The following UBALD2 variants were observed in gnomAD, a reference collection of about 807,000 sequenced individuals.
The protein encoded by UBALD2 is UBA like domain containing 2.
A neutral mutation model predicts 15.9 loss-of-function variants in UBALD2; 8 were observed. That is an observed-to-expected ratio of 0.50 (90% CI 0.29 to 0.91). UBALD2 has a LOEUF of 0.91. Ranked by LOEUF, UBALD2 falls within the 40% of genes least tolerant of loss-of-function variation. The probability of loss-of-function intolerance (pLI) is 0.07; values close to 1 mark genes in which losing one functional copy is unlikely to be tolerated. For missense variants in UBALD2, 178 were observed against 234.8 expected, an observed-to-expected ratio of 0.76 and a Z score of 1.58; for synonymous variants, 113 against 97.7, an observed-to-expected ratio of 1.16 and a Z score of -0.93.
Position 76,265,550 on chromosome 17 carries a change from C to T in UBALD2, c.45C>T (p.Asn15=), listed in dbSNP as rs1280143866. Residue 15 remains asparagine, a synonymous_variant, in exon 1 of 3, where the codon AAC becomes AAT. Coordinates refer to ENST00000327490, the MANE Select transcript of UBALD2 (RefSeq NM_182565.4). ...MDELRHQVMI[N]QFVLAAGCAA... is the part of the protein sequence containing the mutation. Reference sequence around the variant, plus strand: ...AGCTGCGGCACCAGGTCATGATCAACCAGTTCGTGCTGGCCGCGGGCTGCG... The same window carrying T: ...AGCTGCGGCACCAGGTCATGATCAATCAGTTCGTGCTGGCCGCGGGCTGCG... 1.5e-6 allele frequency: 2 copies of T among 1,336,132 alleles called. No individual in the cohort carries two copies. The highest frequency in any genetic ancestry group is 8.5e-5 in the East Asian group (2 of 23,582). 82.8% of individuals were successfully genotyped at this position (1,336,132 alleles called of 1,614,324 possible). A position where few individuals can be genotyped will look rare whatever the true frequency, so the allele number is the denominator to read the frequency against.
In UBALD2 at chr17:76,265,951, C is replaced by T. The variant is rs1004259173; in HGVS notation, c.165C>T (p.Ser55=). 2 of 1,591,998 alleles carry T rather than the reference C, an allele frequency of 1.3e-6. No homozygotes were observed. The highest frequency in any genetic ancestry group is 1.1e-5 in the South Asian group (1 of 88,174). ...TFFQETNIPN[S]HHHHQMMCTP... ...TCCAAGAAACCAACATTCCCAACAG[C>T]CACCACCACCACCAGATGGTAAGCG... The change falls in exon 2 of 3, where the codon AGC becomes AGT. Residue 55 remains serine (S), a synonymous_variant. Coordinates refer to ENST00000327490, the MANE Select transcript of UBALD2 (RefSeq NM_182565.4).
chr17:76,269,671 C>G lies in UBALD2; in HGVS notation c.184-523C>G, dbSNP rs1568096973. 6.6e-6 allele frequency among the ~76,000 whole-genome samples: 1 copy of G among 152,226 alleles called. No homozygotes were observed. Among genetic ancestry groups the G allele is most frequent in the Non-Finnish European group, 1.5e-5 (1 of 68,032 alleles). ...GTGTCATTGTTAAGGGAGGCAAAGCCTTCAAGGCCTGGTGGCTGTCACCCT... is the reference window on the plus strand; with the variant it reads ...GTGTCATTGTTAAGGGAGGCAAAGCGTTCAAGGCCTGGTGGCTGTCACCCT... On this transcript the variant is annotated intron_variant, in intron 2 of 2. Coordinates refer to ENST00000327490, the MANE Select transcript of UBALD2 (RefSeq NM_182565.4). This position sits in a 1 kb window ranked among gnomAD's most constrained non-coding sequence, Gnocchi z 4.6.
Position 76,270,653 on chromosome 17 carries a change from G to A in UBALD2, c.*148G>A, listed in dbSNP as rs1404401424. ...TTTTATAAAAGAATTTTTGTGGGTC[G>A]GGGGGACAGTAAACTTCCTGGGCCA... On this transcript the variant is annotated 3_prime_UTR_variant, in exon 3 of 3. Coordinates refer to ENST00000327490, the MANE Select transcript of UBALD2 (RefSeq NM_182565.4). 28 of 773,700 alleles carry A rather than the reference G, an allele frequency of 3.6e-5. No homozygotes were observed. In the South Asian group the frequency reaches 6.2e-4, roughly 17 times the overall value. 47.9% of individuals were successfully genotyped at this position (773,700 alleles called of 1,614,324 possible). A position where few individuals can be genotyped will look rare whatever the true frequency, so the allele number is the denominator to read the frequency against.
At chr17:76,266,169 G>T (rs2070544045) in intron 2 of UBALD2, among the ~76,000 whole-genome samples, 200 bp downstream of exon 2, 1 of 152,176 alleles carries the variant, frequency 6.6e-6, no homozygotes, top group Non-Finnish European at 1.5e-5. Flanking sequence ...CTCGGGACTG[G>T]TGCCCGGCAC....
chr17:76,268,108 AGCTTCCCAGTTGATAAGGAGG>A (rs1488581765), intron 2 of UBALD2, among the ~76,000 whole-genome samples: 2 of 152,240 alleles, frequency 1.3e-5, no homozygotes, highest in East Asian at 1.9e-4. Flanking sequence ...CATAGTTGGA[AGCTTCCCAGTTGATAAGGAGG>A]GCTTCCCAGT....
intron 2 of UBALD2, 47 bp from the exon 3 acceptor site, chr17:76,270,147 C>CG: frequency 6.3e-7 from 1 of 1,577,014 alleles, no homozygotes. Context: ...TCCAGTGGCT[C>CG]GGGGACCCCC....
chr17:76,265,856 C>T, intron 1 of UBALD2, 51 bp from the exon 2 acceptor site: 2 of 1,566,296 alleles, frequency 1.3e-6, no homozygotes, highest in Non-Finnish European at 1.7e-6. Context: ...CCAGCCGCTG[C>T]GTTTCCTGAC....
rs374620750 is a variant in UBALD2 at position 76,265,518 on chromosome 17, A to G, written c.13A>G (p.Met5Val). MSVN[M>V]DELRHQVMIN... Reference sequence around the variant, plus strand: ...GCCGCGCCGCGCCATGTCGGTGAACATGGACGAGCTGCGGCACCAGGTCAT... The same window carrying G: ...GCCGCGCCGCGCCATGTCGGTGAACGTGGACGAGCTGCGGCACCAGGTCAT... Residue 5 changes from methionine (M) to valine (V), a missense_variant, in exon 1 of 3, where the codon ATG becomes GTG. Transcript: ENST00000327490. 1.1e-5 allele frequency: 14 copies of G among 1,283,796 alleles called. No individual in the cohort carries two copies. The highest frequency in any genetic ancestry group is 1.4e-5 in the Non-Finnish European group (14 of 990,746). The allele number at this position is 1,283,796 out of a possible 1,614,324, so 79.5% of individuals were successfully genotyped here.
In UBALD2 at chr17:76,270,674, G is replaced by A. The variant is rs2070580852; in HGVS notation, c.*169G>A. On this transcript the variant is annotated 3_prime_UTR_variant, in exon 3 of 3. Coordinates refer to ENST00000327490, the MANE Select transcript of UBALD2 (RefSeq NM_182565.4). The stretch of plus-strand genomic sequence containing the variant: ...GGTCGGGGGGACAGTAAACTTCCTG[G>A]GCCACGTGGGTCCTTCAGGAGTTTT... 3.6e-6 allele frequency: 2 copies of A among 559,942 alleles called. No homozygotes were observed. Among genetic ancestry groups the A allele is most frequent in the Admixed American group, 3.9e-5 (1 of 25,660 alleles). 34.7% of individuals were successfully genotyped at this position (559,942 alleles called of 1,614,324 possible). A position where few individuals can be genotyped will look rare whatever the true frequency, so the allele number is the denominator to read the frequency against.
In UBALD2 at chr17:76,265,467, G is replaced by A; in HGVS notation, c.-39G>A. The stretch of plus-strand genomic sequence containing the variant: ...CGCGCCCGCGCAGCCCCGCGTCTGC[G>A]TCCGGCCGGAGACGCCGGGCCCCGC... On this transcript the variant is annotated 5_prime_UTR_variant, in exon 1 of 3. Coordinates refer to ENST00000327490, the MANE Select transcript of UBALD2 (RefSeq NM_182565.4). The A allele has an allele frequency of 9.6e-7, 1 of 1,037,506 alleles. No individual in the cohort carries two copies. The highest frequency in any genetic ancestry group is 1.2e-6 in the Non-Finnish European group (1 of 863,028). The allele number at this position is 1,037,506 out of a possible 1,614,324, so 64.3% of individuals were successfully genotyped here. A position where few individuals can be genotyped will look rare whatever the true frequency, so the allele number is the denominator to read the frequency against.
intron 2 of UBALD2, among the ~76,000 whole-genome samples, chr17:76,267,444 A>G (rs1383970208): frequency 6.6e-6 from 1 of 151,252 alleles, no homozygotes; most frequent in African/African-American, 2.4e-5. Context: ...GTGCCTTAGC[A>G]GCACAGTGGA....
intron 2 of UBALD2, 49 bp from the exon 3 acceptor site, chr17:76,270,145 C>T (rs1157840590): frequency 6.3e-7 from 1 of 1,586,648 alleles, no homozygotes; most frequent in Non-Finnish European, 8.6e-7. Context: ...CATCCAGTGG[C>T]TCGGGGACCC....
rs1458322191 is a variant in UBALD2, at chr17:76,269,304, A to G, written c.184-890A>G. Among the ~76,000 whole-genome samples, 1 of 151,990 alleles carries G rather than the reference A, an allele frequency of 6.6e-6. No homozygotes were observed. Among genetic ancestry groups the G allele is most frequent in the Non-Finnish European group, 1.5e-5 (1 of 67,970 alleles). ...AGTGACAGAAGACAGCAGATGGGGG[A>G]CTGTAGCTACCCCCAGGAAGAGGAC... is the stretch of plus-strand genomic sequence containing the variant. On this transcript the variant is annotated intron_variant, in intron 2 of 2. Transcript: ENST00000327490. This position sits in a 1 kb window ranked among gnomAD's most constrained non-coding sequence, Gnocchi z 4.6.
chr17:76,266,708 G>T (rs1357556620), intron 2 of UBALD2, among the ~76,000 whole-genome samples: 2 of 152,118 alleles, frequency 1.3e-5, no homozygotes, highest in Non-Finnish European at 2.9e-5. Context: ...CCAAGCTTTT[G>T]CCCTCCTGGC....
chr17:76,270,290 A>G lies in UBALD2; in HGVS notation c.280A>G (p.Ser94Gly). 1 of 1,611,466 alleles carries G rather than the reference A, an allele frequency of 6.2e-7. No homozygotes were observed. Among genetic ancestry groups the G allele is most frequent in the Non-Finnish European group, 8.5e-7 (1 of 1,179,832 alleles). ...CCGCGCCTCCGAGGGCCTGCAGAGC[A>G]GCAACAGCCCCATGACAGCCGCAGC... ...KLRASEGLQS[S>G]NSPMTAAACS... Residue 94 changes from serine to glycine, a missense_variant, in exon 3 of 3, where the codon AGC (serine) becomes GGC (glycine). Ser to Gly is a moderately conservative substitution (Grantham distance 56, BLOSUM62 0). Transcript: ENST00000327490.
Position 76,270,718 on chromosome 17 carries a change from T to A in UBALD2, c.*213T>A. The A allele has an allele frequency of 2.1e-6, 1 of 475,578 alleles. No individual in the cohort carries two copies. Among genetic ancestry groups the A allele is most frequent in the Non-Finnish European group, 3.7e-6 (1 of 273,516 alleles). 29.5% of individuals were successfully genotyped at this position (475,578 alleles called of 1,614,324 possible). A position where few individuals can be genotyped will look rare whatever the true frequency, so the allele number is the denominator to read the frequency against. On this transcript the variant is annotated 3_prime_UTR_variant, in exon 3 of 3. Transcript: ENST00000327490. ...GAGTTTTTCAGGCAAGTTTTTCCTC[T>A]GTTTTTAATATATAACTATAATATA... is the stretch of plus-strand genomic sequence containing the variant.
chr17:76,270,478 C>T lies in UBALD2; in HGVS notation c.468C>T (p.Ala156=). Residue 156 remains alanine (A), a synonymous_variant, in exon 3 of 3, where the codon GCC becomes GCT. Transcript: ENST00000327490. ...AGCAGGGGGGCGCCCAGCAGAAAGCCATGGCGGCCATGGACGGCCAGAGAT... is the reference window on the plus strand; with the variant it reads ...AGCAGGGGGGCGCCCAGCAGAAAGCTATGGCGGCCATGGACGGCCAGAGAT... The part of the protein sequence containing the change: ...GAQQGGAQQK[A]MAAMDGQR 1 of 1,471,638 alleles carries T rather than the reference C, an allele frequency of 6.8e-7. No individual in the cohort carries two copies. 91.2% of individuals were successfully genotyped at this position (1,471,638 alleles called of 1,614,324 possible).
chr17:76,266,099 C>T (rs1402111365), intron 2 of UBALD2, 130 bp downstream of exon 2: 1 of 1,240,398 alleles, frequency 8.1e-7, no homozygotes, highest in Admixed American at 2.3e-5. Flanking sequence ...AGAGCGGCTC[C>T]CGGGCCGGCG....
At chr17:76,265,773 C>T (rs2070540217) in intron 1 of UBALD2, 134 bp from the exon 2 acceptor site, 13 of 1,414,478 alleles carry the variant, frequency 9.2e-6, no homozygotes, top group Non-Finnish European at 1.2e-5. Flanking sequence ...GACCGGCTCC[C>T]CTCTGCACGT....
Sources: gnomAD v4.1 joint callset for allele counts (sites outside exome capture counted in the v4.1 genomes callset) on GRCh38, gnomAD v4.1.1 for gene constraint, Gnocchi (gnomAD v3.1) non-coding constraint, MANE v1.5 for transcripts, NCBI Gene and HGNC (gene_info 2026-07-23, HGNC 2026-07-21) for gene names.